AGBL4: variants seen among roughly 807,000 people sequenced by gnomAD.
AGBL4 encodes cytosolic carboxypeptidase 6.
AGBL4 carries 58 observed loss-of-function variants against 66.4 expected under a neutral mutation model. The ratio of observed to expected loss-of-function variants is 0.87; its 90% confidence interval spans 0.71 to 1.09. AGBL4 has a LOEUF of 1.09. AGBL4 is among the 50% of genes least tolerant of loss of function. The probability of loss-of-function intolerance (pLI) is 0.00; values close to 1 mark genes in which losing one functional copy is unlikely to be tolerated. For missense variants in AGBL4, 579 were observed against 631.0 expected (o/e 0.92, Z 0.88); for synonymous variants, 234 against 222.9 (o/e 1.05, Z -0.44).
chr1:48,657,768 A>G (rs1220517976), intron 7 of AGBL4, among the ~76,000 whole-genome samples: 1 of 152,222 alleles, frequency 6.6e-6, no homozygotes, highest in Non-Finnish European at 1.5e-5. Context: ...AACATAAATG[A>G]GATTAAGTTT....
At chr1:48,524,320 A>G in the AGBL4 span, among the ~76,000 whole-genome samples, 196 of 125,470 alleles carry the variant, frequency 1.6e-3, 1 homozygote, top group Middle Eastern at 0.016. Flanking sequence ...TGAAGAGAGA[A>G]AAAAAAAGAG....
At chr1:49,859,205 T>C (rs1165739305) in intron 1 of AGBL4, among the ~76,000 whole-genome samples, 9 of 152,196 alleles carry the variant, frequency 5.9e-5, no homozygotes, top group Non-Finnish European at 1.0e-4. Context: ...AAGAGGATAA[T>C]GAGAGAACAT....
chr1:50,011,396 G>A (rs138034742), intron 1 of AGBL4, among the ~76,000 whole-genome samples: 19 of 152,250 alleles, frequency 1.2e-4, no homozygotes, highest in Non-Finnish European at 2.5e-4. Context: ...ATTCTGGAGA[G>A]GATATAGAGA....
chr1:49,905,356 T>C (rs1650171672), intron 1 of AGBL4, among the ~76,000 whole-genome samples: 1 of 152,180 alleles, frequency 6.6e-6, no homozygotes, highest in Non-Finnish European at 1.5e-5. Context: ...GAAAAGTCTT[T>C]TCCCTGAAAT....
In AGBL4 at chr1:49,826,700, G is replaced by T. The variant is rs1431231634; in HGVS notation, c.157+24696C>A. Among the ~76,000 whole-genome samples the T allele has an allele frequency of 1.4e-4, 21 of 152,136 alleles. 1 individual carries two copies. Among genetic ancestry groups the T allele is most frequent in the Admixed American group, 1.4e-3 (21 of 15,272 alleles). On this transcript the variant is annotated intron_variant, in intron 2 of 13. Transcript: ENST00000371839. ...GAGTATAAACTTGCCAATTATTTTA[G>T]GACCCACCATTTTATGTTTAAGCAA...
chr1:49,207,710 GC>G (rs917874968), intron 4 of AGBL4, among the ~76,000 whole-genome samples: 2 of 151,318 alleles, frequency 1.3e-5, no homozygotes, highest in Non-Finnish European at 2.9e-5. Flanking sequence ...TCCCACCTCA[GC>G]CCCCCAAGTA....
chr1:49,125,876 G>A (rs573515400), intron 4 of AGBL4, among the ~76,000 whole-genome samples: 41 of 152,226 alleles, frequency 2.7e-4, no homozygotes, highest in Admixed American at 1.2e-3. Context: ...TCATGGCATG[G>A]ACAATGTCAG....
Position 49,471,724 on chromosome 1 carries a change from A to G in AGBL4, c.282+225589T>C, listed in dbSNP as rs968739097. 7.2e-5 allele frequency among the ~76,000 whole-genome samples: 11 copies of G among 151,972 alleles called. 1 individual carries two copies. Among genetic ancestry groups the G allele is most frequent in the Middle Eastern group, 3.2e-3 (1 of 316 alleles). On this transcript the variant is annotated intron_variant, in intron 3 of 13. Coordinates refer to ENST00000371839, the MANE Select transcript of AGBL4 (RefSeq NM_032785.4). ...GAAAGAGGCAGCCCAACAAGACAAG[A>G]AACTCTTAGAAAATAAATTTTCTAC...
chr1:48,859,504 C>T (rs1647303225), intron 6 of AGBL4, among the ~76,000 whole-genome samples: 1 of 152,132 alleles, frequency 6.6e-6, no homozygotes, highest in African/African-American at 2.4e-5. Flanking sequence ...CACTCCTCTA[C>T]CAATGTCTCT....
intron 3 of AGBL4, among the ~76,000 whole-genome samples, chr1:49,622,627 T>G (rs1645385810): frequency 4.0e-5 from 1 of 24,908 alleles, no homozygotes; most frequent in Non-Finnish European, 6.4e-5. Context: ...AGACTCCGTC[T>G]CAAAAAAAAA....
chr1:49,858,710 C>CCACCACTTG, intron 1 of AGBL4, among the ~76,000 whole-genome samples: 1 of 152,062 alleles, frequency 6.6e-6, no homozygotes, highest in South Asian at 2.1e-4. Context: ...ACACCTAACA[C>CCACCACTTG]CACCACTTGA....
intron 5 of AGBL4, among the ~76,000 whole-genome samples, chr1:48,885,298 C>A (rs748700997): frequency 2.0e-4 from 31 of 152,110 alleles, no homozygotes; most frequent in Non-Finnish European, 4.1e-4. Context: ...ATTCATATAC[C>A]ATCTATGCCC....
chr1:48,716,230 G>A (rs908807124), intron 6 of AGBL4, among the ~76,000 whole-genome samples: 4 of 152,144 alleles, frequency 2.6e-5, no homozygotes, highest in East Asian at 1.9e-4. Flanking sequence ...GGAGGGAAAC[G>A]CATCATGTTG....
chr1:48,659,292 G>T (rs1237236188), intron 7 of AGBL4, among the ~76,000 whole-genome samples: 1 of 152,160 alleles, frequency 6.6e-6, no homozygotes, highest in East Asian at 1.9e-4. Flanking sequence ...GGAAATAGGG[G>T]CTGTGAGAGG....
At chr1:49,615,643 A>G (rs1407150052) in intron 3 of AGBL4, among the ~76,000 whole-genome samples, 1 of 152,178 alleles carries the variant, frequency 6.6e-6, no homozygotes, top group African/African-American at 2.4e-5. Flanking sequence ...GAGAAAAAAA[A>G]TGGATAAAAG....
chr1:48,591,749 A>G (rs192849747), intron 9 of AGBL4, among the ~76,000 whole-genome samples: 2 of 152,340 alleles, frequency 1.3e-5, no homozygotes, highest in East Asian at 3.9e-4. Context: ...TAAATAATGC[A>G]TGAAGGAAAA....
chr1:49,885,724 A>G (rs1647962856), intron 1 of AGBL4, among the ~76,000 whole-genome samples: 1 of 152,114 alleles, frequency 6.6e-6, no homozygotes, highest in Non-Finnish European at 1.5e-5. Flanking sequence ...CTATCACTCA[A>G]TAAAAGAATA....
intron 4 of AGBL4, among the ~76,000 whole-genome samples, chr1:49,182,025 C>T (rs913858805): frequency 6.6e-6 from 1 of 152,168 alleles, no homozygotes; most frequent in South Asian, 2.1e-4. Flanking sequence ...GCCGCTGAGG[C>T]ATACGACTAA....
chr1:49,095,034 C>T (rs1045160146), intron 4 of AGBL4, among the ~76,000 whole-genome samples: 6 of 152,102 alleles, frequency 3.9e-5, no homozygotes, highest in Non-Finnish European at 8.8e-5. Flanking sequence ...TTCTTATACA[C>T]CAATAACAGA....
Sources: allele counts gnomAD v4.1 joint callset (sites outside exome capture counted in the v4.1 genomes callset), GRCh38; gene constraint gnomAD v4.1.1; transcripts MANE v1.5; gene names NCBI Gene and HGNC (gene_info 2026-07-23, HGNC 2026-07-21).